NLGN1: variants seen among roughly 807,000 people sequenced by gnomAD.
NLGN1 encodes neuroligin-1.
A neutral mutation model predicts 65.5 loss-of-function variants in NLGN1; 12 were observed. That is an observed-to-expected ratio of 0.18 (90% confidence interval 0.12 to 0.30). The LOEUF (loss-of-function observed/expected upper bound fraction) is 0.30, where lower values mean the gene tolerates loss of function less well. Among genes scored for constraint, NLGN1 ranks in the 10% least tolerant of loss-of-function variants. NLGN1 has a pLI of 1.00. For missense variants in NLGN1, 750 were observed against 1,007.1 expected (o/e 0.74, Z 3.46); for synonymous variants, 350 against 359.5 (o/e 0.97, Z 0.30).
Position 173,982,392 on chromosome 3 carries a change from G to C in NLGN1, c.646+174560G>C, listed in dbSNP as rs937149146. Among the ~76,000 whole-genome samples the C allele has an allele frequency of 5.9e-5, 9 of 152,074 alleles. No homozygotes were observed. In the East Asian group the frequency reaches 1.2e-3, roughly 20 times the overall value. Reference sequence around the variant, plus strand: ...TGCTTTTTCTTGAGACAAAGAGAAAGAATAAGGCTGACTAAAAAACAGGAG... The same window carrying C: ...TGCTTTTTCTTGAGACAAAGAGAAACAATAAGGCTGACTAAAAAACAGGAG... On this transcript the variant is annotated intron_variant, in intron 4 of 6. Coordinates refer to ENST00000457714, the Ensembl canonical transcript of NLGN1.
intron 4 of NLGN1, among the ~76,000 whole-genome samples, chr3:173,881,419 C>CTTTTTT (rs71162368): frequency 1.2e-5 from 1 of 80,542 alleles, no homozygotes; most frequent in Non-Finnish European, 2.2e-5. Flanking sequence ...TGCTCCACTC[C>CTTTTTT]TTTTTTTTTT....
At chr3:174,090,449 G>A (rs1744294663) in intron 4 of NLGN1, among the ~76,000 whole-genome samples, 1 of 151,974 alleles carries the variant, frequency 6.6e-6, no homozygotes, top group South Asian at 2.1e-4. Context: ...CTCTAGCCTG[G>A]GGGACAGAGC....
At chr3:173,983,110 CATTATTT>C (rs1353341891) in intron 4 of NLGN1, among the ~76,000 whole-genome samples, 1 of 151,504 alleles carries the variant, frequency 6.6e-6, no homozygotes, top group Non-Finnish European at 1.5e-5. Context: ...GTTTTTTCTT[CATTATTT>C]TGGGTAAGTT....
In NLGN1 at chr3:173,609,039, C is replaced by T. The variant is rs150597032; in HGVS notation, c.493+3948C>T. ...TGCTTTAACTTGCTTAAGTTTCCCT[C>T]TGTTTCTTTAGGTTGCTCTCCTGTG... On this transcript the variant is annotated intron_variant, in intron 3 of 6. Transcript: ENST00000457714. Among the ~76,000 whole-genome samples the T allele has an allele frequency of 1.9e-4, 29 of 152,068 alleles. No individual in the cohort carries two copies. In the East Asian group the frequency reaches 4.1e-3, roughly 21 times the overall value.
At chr3:173,709,381 C>G in intron 3 of NLGN1, among the ~76,000 whole-genome samples, 1 of 152,152 alleles carries the variant, frequency 6.6e-6, no homozygotes, top group South Asian at 2.1e-4. Context: ...GACCATAACT[C>G]ATTGACAAAA....
intron 2 of NLGN1, among the ~76,000 whole-genome samples, chr3:173,602,019 C>A (rs1266509737): frequency 6.6e-6 from 1 of 151,952 alleles, no homozygotes; most frequent in Non-Finnish European, 1.5e-5. Context: ...GTGCGGTGAT[C>A]ATAAGGATGG....
intron 4 of NLGN1, among the ~76,000 whole-genome samples, chr3:173,924,869 T>G (rs1019072301): frequency 1.3e-5 from 2 of 152,098 alleles, no homozygotes; most frequent in African/African-American, 4.8e-5. Context: ...GATGGCATGA[T>G]TATTTTGAAA....
chr3:173,745,847 G>C (rs1473471316), intron 3 of NLGN1, among the ~76,000 whole-genome samples: 2 of 152,024 alleles, frequency 1.3e-5, no homozygotes, highest in Non-Finnish European at 2.9e-5. Context: ...TGGACTATTA[G>C]TTCAAAAGGA....
At chr3:173,705,480 A>G (rs1422041292) in intron 3 of NLGN1, among the ~76,000 whole-genome samples, 1 of 152,156 alleles carries the variant, frequency 6.6e-6, no homozygotes, top group Non-Finnish European at 1.5e-5. Flanking sequence ...ACAGGTAAAA[A>G]TACACATTGC....
chr3:174,088,126 TAAAA>T (rs1179831734), intron 4 of NLGN1, among the ~76,000 whole-genome samples: 2 of 152,156 alleles, frequency 1.3e-5, no homozygotes, highest in African/African-American at 4.8e-5. Flanking sequence ...AGAATAATAA[TAAAA>T]AACATTCATT....
intron 2 of NLGN1, among the ~76,000 whole-genome samples, chr3:173,437,991 TC>T (rs1458915243): frequency 6.6e-6 from 1 of 151,792 alleles, no homozygotes; most frequent in African/African-American, 2.4e-5. Context: ...AGTATCCAAG[TC>T]CCCAATGATT....
At chr3:173,836,448 G>A (rs1341108050) in intron 4 of NLGN1, among the ~76,000 whole-genome samples, 1 of 151,854 alleles carries the variant, frequency 6.6e-6, no homozygotes, top group African/African-American at 2.4e-5. Context: ...TTGATTTATG[G>A]ACCTTAATTT....
chr3:173,675,483 G>A (rs530947064), intron 3 of NLGN1, among the ~76,000 whole-genome samples: 45 of 152,104 alleles, frequency 3.0e-4, no homozygotes, highest in Non-Finnish European at 5.9e-4. Context: ...AAGTCTTTAC[G>A]TAAAATAATT....
At chr3:174,004,252 A>G (rs994423902) in intron 4 of NLGN1, among the ~76,000 whole-genome samples, 2 of 152,150 alleles carry the variant, frequency 1.3e-5, no homozygotes, top group African/African-American at 4.8e-5. Context: ...ATTAATACAA[A>G]CTATCAGATA....
intron 4 of NLGN1, among the ~76,000 whole-genome samples, chr3:174,198,276 C>G (rs1733831214): frequency 6.6e-6 from 1 of 152,124 alleles, no homozygotes; most frequent in South Asian, 2.1e-4. Flanking sequence ...AAAGCAGAAA[C>G]TAAAGCTCAG....
chr3:173,967,370 G>A (rs1426145644), intron 4 of NLGN1, among the ~76,000 whole-genome samples: 1 of 152,130 alleles, frequency 6.6e-6, no homozygotes, highest in African/African-American at 2.4e-5. Flanking sequence ...CTGTAATAAG[G>A]TAGCTGTATA....
Position 174,280,857 on chromosome 3 carries a change from C to T in NLGN1, c.2026C>T (p.Leu676=). Residue 676 remains leucine, a synonymous_variant, in exon 7 of 7, where the codon CTG becomes TTG. Coordinates refer to ENST00000457714, the Ensembl canonical transcript of NLGN1. This position sits in a 1 kb window ranked among gnomAD's most constrained non-coding sequence, Gnocchi z 4.9. ...GGATCAAAGGGACTACTCAACAGAG[C>T]TGAGTGTCACTATTGCAGTTGGAGC... 1.9e-6 allele frequency: 3 copies of T among 1,613,374 alleles called. No homozygotes were observed. The highest frequency in any genetic ancestry group is 1.7e-6 in the Non-Finnish European group (2 of 1,179,552).
Position 173,612,052 on chromosome 3 carries a change from A to G in NLGN1, c.493+6961A>G, listed in dbSNP as rs571203336. Reference sequence around the variant, plus strand: ...TTACTCACCATTACACATTTTGTAGATAATATTCTGGTCTTTAATATCTCT... The same window carrying G: ...TTACTCACCATTACACATTTTGTAGGTAATATTCTGGTCTTTAATATCTCT... On this transcript the variant is annotated intron_variant, in intron 3 of 6. Coordinates refer to ENST00000457714, the Ensembl canonical transcript of NLGN1. Among the ~76,000 whole-genome samples the G allele has an allele frequency of 2.6e-5, 4 of 152,012 alleles. No individual in the cohort carries two copies. The East Asian group carries it at 5.8e-4, about 22-fold the overall frequency.
In NLGN1 at chr3:173,929,210, C is replaced by T. The variant is rs144984206; in HGVS notation, c.646+121378C>T. ...TTTCCCTGATTTGAAAGGAGCAAAG[C>T]GCTCCTTGCCTAATTCAATTGCTCA... is the stretch of plus-strand genomic sequence containing the variant. On this transcript the variant is annotated intron_variant, in intron 4 of 6. Coordinates refer to ENST00000457714, the Ensembl canonical transcript of NLGN1. 5.1e-3 allele frequency among the ~76,000 whole-genome samples: 779 copies of T among 152,184 alleles called. 1 individual carries two copies. Among genetic ancestry groups the T allele is most frequent in the African/African-American group, 0.018 (728 of 41,532 alleles).
Sources: allele counts gnomAD v4.1 joint callset (sites outside exome capture counted in the v4.1 genomes callset), GRCh38; gene constraint gnomAD v4.1.1; non-coding constraint Gnocchi (gnomAD v3.1); transcripts MANE v1.5; gene names NCBI Gene and HGNC (gene_info 2026-07-23, HGNC 2026-07-21).